SCHIP1: variants seen among roughly 807,000 people sequenced by gnomAD.
SCHIP1 encodes schwannomin interacting protein 1.
In SCHIP1, 8 loss-of-function variants were observed where a neutral mutation model predicts 29.7. The ratio of observed to expected loss-of-function variants is 0.27; its 90% CI spans 0.16 to 0.49. The LOEUF (loss-of-function observed/expected upper bound fraction) is 0.49. Among genes scored for constraint, SCHIP1 ranks in the 20% least tolerant of loss-of-function variants. SCHIP1 has a pLI of 0.99. For synonymous variants in SCHIP1, 76 were observed against 94.9 expected, an observed-to-expected ratio of 0.80 and a Z score of 1.16; for missense variants, 193 against 294.6, an observed-to-expected ratio of 0.66 and a Z score of 2.52.
chr3:159,676,006 C>T, the SCHIP1 span, among the ~76,000 whole-genome samples: 1 of 152,128 alleles, frequency 6.6e-6, no homozygotes, highest in African/African-American at 2.4e-5. Context: ...TGGCAGGTGT[C>T]TGTAATCCCA....
the SCHIP1 span, among the ~76,000 whole-genome samples, chr3:159,547,612 C>A: frequency 6.6e-6 from 1 of 151,996 alleles, no homozygotes. Flanking sequence ...GGAAGGGGTC[C>A]AGTTTCAGTT....
At chr3:159,633,622 GA>G in the SCHIP1 span, among the ~76,000 whole-genome samples, 1 of 152,156 alleles carries the variant, frequency 6.6e-6, no homozygotes, top group African/African-American at 2.4e-5. Flanking sequence ...AATTCAGAGG[GA>G]AGTAATTTTA....
At chr3:159,601,497 G>A in the SCHIP1 span, among the ~76,000 whole-genome samples, 20 of 152,274 alleles carry the variant, frequency 1.3e-4, no homozygotes, top group East Asian at 7.7e-4. Context: ...ACCCACCCTA[G>A]CCTTTGTTGG....
the SCHIP1 span, chr3:159,401,469 T>C: frequency 5.5e-6 from 3 of 548,890 alleles, no homozygotes; most frequent in Admixed American, 6.4e-5. Context: ...GGCACAGGCA[T>C]AATTTTATTT....
the SCHIP1 span, among the ~76,000 whole-genome samples, chr3:159,401,928 A>G: frequency 6.6e-6 from 1 of 152,210 alleles, no homozygotes; most frequent in African/African-American, 2.4e-5. Context: ...AAAAGCCAAA[A>G]TGGGATCTAA....
the SCHIP1 span, among the ~76,000 whole-genome samples, chr3:159,440,286 A>C: frequency 1.3e-5 from 2 of 152,130 alleles, no homozygotes; most frequent in African/African-American, 4.8e-5. Context: ...TTCTTGTACC[A>C]GTACCATGCT....
intron 1 of SCHIP1, among the ~76,000 whole-genome samples, chr3:159,857,493 A>G (rs1455539617): frequency 1.3e-5 from 2 of 152,088 alleles, no homozygotes; most frequent in Non-Finnish European, 2.9e-5. Flanking sequence ...GTACACTTTG[A>G]TGGTTTTTAG....
the SCHIP1 span, among the ~76,000 whole-genome samples, chr3:159,791,644 G>T: frequency 1.3e-5 from 2 of 152,244 alleles, no homozygotes; most frequent in Admixed American, 6.5e-5. Context: ...GGAGCCAGGT[G>T]AGAAAGGAGC....
chr3:159,729,417 G>A, the SCHIP1 span, among the ~76,000 whole-genome samples: 1 of 152,122 alleles, frequency 6.6e-6, no homozygotes, highest in African/African-American at 2.4e-5. Flanking sequence ...ATGAGCCAAA[G>A]TGATAATTAT....
the SCHIP1 span, among the ~76,000 whole-genome samples, chr3:159,630,761 G>T: frequency 6.6e-6 from 1 of 152,134 alleles, no homozygotes; most frequent in African/African-American, 2.4e-5. Context: ...TACAAATTAG[G>T]TACGGTGTAC....
the SCHIP1 span, among the ~76,000 whole-genome samples, chr3:159,666,740 C>T: frequency 0.047 from 7,106 of 152,292 alleles, 339 homozygotes; most frequent in African/African-American, 0.13. Flanking sequence ...AGCATAACTC[C>T]TTTTCCTGAC....
At chr3:159,368,799 A>C in the SCHIP1 span, among the ~76,000 whole-genome samples, 1 of 152,134 alleles carries the variant, frequency 6.6e-6, no homozygotes, top group African/African-American at 2.4e-5. Flanking sequence ...GGCTTGTGAG[A>C]GATGAGTTTG....
At chr3:159,341,210 C>A in the SCHIP1 span, among the ~76,000 whole-genome samples, 1 of 150,722 alleles carries the variant, frequency 6.6e-6, no homozygotes, top group Non-Finnish European at 1.5e-5. Context: ...CCTTTCCTAG[C>A]TTTTGAAGTG....
the SCHIP1 span, among the ~76,000 whole-genome samples, chr3:159,546,858 T>C: frequency 6.6e-6 from 1 of 150,378 alleles, no homozygotes; most frequent in South Asian, 2.2e-4. Flanking sequence ...TCTTTGCTAT[T>C]GTAAACAGTG....
the SCHIP1 span, among the ~76,000 whole-genome samples, chr3:159,441,075 CTG>C: frequency 2.0e-5 from 3 of 152,294 alleles, no homozygotes; most frequent in African/African-American, 4.8e-5. Flanking sequence ...CCCCAAAAAT[CTG>C]TCTTTCCCAT....
At chr3:159,770,522 G>A in the SCHIP1 span, among the ~76,000 whole-genome samples, 2 of 152,164 alleles carry the variant, frequency 1.3e-5, no homozygotes, top group East Asian at 1.9e-4. Context: ...GCCTCCCAAA[G>A]TGCTGGGATT....
At chr3:159,697,497 A>G in the SCHIP1 span, among the ~76,000 whole-genome samples, 1 of 152,214 alleles carries the variant, frequency 6.6e-6, no homozygotes. Context: ...GGCAAGGACC[A>G]TACATTATTC....
At chr3:159,454,457 C>T in the SCHIP1 span, among the ~76,000 whole-genome samples, 1 of 151,936 alleles carries the variant, frequency 6.6e-6, no homozygotes, top group South Asian at 2.1e-4. Flanking sequence ...GCAGCCTAGT[C>T]CAATTGGGTT....
At chr3:159,688,249 C>T in the SCHIP1 span, among the ~76,000 whole-genome samples, 1 of 152,244 alleles carries the variant, frequency 6.6e-6, no homozygotes, top group Non-Finnish European at 1.5e-5. Context: ...TCTCCACATC[C>T]TCTCCAGCAT....
Sources: gnomAD v4.1 joint callset for allele counts (sites outside exome capture counted in the v4.1 genomes callset) on GRCh38, gnomAD v4.1.1 for gene constraint, MANE v1.5 for transcripts, NCBI Gene and HGNC (gene_info 2026-07-23, HGNC 2026-07-21) for gene names.